The following LRMDA variants were observed in gnomAD, a reference collection of about 807,000 sequenced individuals.
LRMDA encodes leucine-rich melanocyte differentiation-associated protein.
A neutral mutation model predicts 29.8 loss-of-function variants in LRMDA; 18 were observed. The ratio of observed to expected loss-of-function variants is 0.60; its 90% confidence interval spans 0.42 to 0.90. The LOEUF is 0.90. Ranked by LOEUF, LRMDA falls within the 40% of genes least tolerant of loss-of-function variation. The probability of loss-of-function intolerance (pLI) is 0.00; values close to 1 mark genes in which losing one functional copy is unlikely to be tolerated. For missense variants in LRMDA, 273 were observed against 273.9 expected, an observed-to-expected ratio of 1.00 and a Z score of 0.02; for synonymous variants, 125 against 109.4, an observed-to-expected ratio of 1.14 and a Z score of -0.89.
intron 5 of LRMDA, among the ~76,000 whole-genome samples, chr10:76,109,277 G>C (rs1384589452): frequency 6.6e-6 from 1 of 152,194 alleles, no homozygotes; most frequent in Non-Finnish European, 1.5e-5. Context: ...CTCCATCCTT[G>C]TTGGGCACTT....
intron 2 of LRMDA, among the ~76,000 whole-genome samples, chr10:75,828,252 A>T (rs61188214): frequency 6.6e-6 from 1 of 152,302 alleles, no homozygotes; most frequent in East Asian, 1.9e-4. Flanking sequence ...GAAGCTAAGA[A>T]ATATCTTTTT....
chr10:75,872,152 C>G (rs1245481491), intron 2 of LRMDA, among the ~76,000 whole-genome samples: 2 of 152,064 alleles, frequency 1.3e-5, no homozygotes, highest in South Asian at 4.1e-4. Context: ...TTGAGAGAAG[C>G]GATGTTGCTT....
At chr10:75,909,898 GA>G (rs1158494465) in intron 2 of LRMDA, among the ~76,000 whole-genome samples, 1 of 152,160 alleles carries the variant, frequency 6.6e-6, no homozygotes, top group Non-Finnish European at 1.5e-5. Context: ...AAGAATGCTG[GA>G]AACGACTTCA....
At chr10:76,355,455 A>G (rs1048750781) in intron 6 of LRMDA, among the ~76,000 whole-genome samples, 5 of 152,212 alleles carry the variant, frequency 3.3e-5, no homozygotes, top group African/African-American at 1.2e-4. Flanking sequence ...AGTTCCATAA[A>G]TATTTATTGA....
At chr10:76,008,884 C>A (rs1416656406) in intron 2 of LRMDA, among the ~76,000 whole-genome samples, 6 of 152,200 alleles carry the variant, frequency 3.9e-5, no homozygotes, top group Non-Finnish European at 8.8e-5. Flanking sequence ...TTCTTAGAAA[C>A]TTTTAAGTGG....
chr10:76,042,554 A>T (rs1440070644), intron 3 of LRMDA, among the ~76,000 whole-genome samples: 1 of 152,222 alleles, frequency 6.6e-6, no homozygotes, highest in African/African-American at 2.4e-5. Flanking sequence ...AAAATTAGGT[A>T]TGAAATGAAT....
chr10:76,219,928 C>T (rs1851799072), intron 5 of LRMDA, among the ~76,000 whole-genome samples: 1 of 152,190 alleles, frequency 6.6e-6, no homozygotes, highest in African/African-American at 2.4e-5. Context: ...TCTCAGACCA[C>T]AGTGCAATCA....
intron 2 of LRMDA, among the ~76,000 whole-genome samples, chr10:75,984,881 G>T (rs1036985794): frequency 6.6e-6 from 1 of 152,194 alleles, no homozygotes; most frequent in African/African-American, 2.4e-5. Context: ...TTCTTAATGA[G>T]CCTCAATTCA....
intron 6 of LRMDA, among the ~76,000 whole-genome samples, chr10:76,490,659 T>C (rs948806682): frequency 6.6e-5 from 10 of 152,006 alleles, no homozygotes; most frequent in African/African-American, 2.4e-4. Flanking sequence ...TAATTTTCAG[T>C]CTATGTATGT....
intron 2 of LRMDA, among the ~76,000 whole-genome samples, chr10:75,599,156 GA>G (rs1232460800): frequency 1.6e-5 from 2 of 125,204 alleles, no homozygotes; most frequent in African/African-American, 1.1e-4. Flanking sequence ...CACGGCCTCT[GA>G]GCCTCTGAGC....
chr10:75,834,447 C>G (rs555844557), intron 2 of LRMDA, among the ~76,000 whole-genome samples: 1 of 152,158 alleles, frequency 6.6e-6, no homozygotes, highest in African/African-American at 2.4e-5. Context: ...CAGTGAACCT[C>G]CTAATTTTAA....
At chr10:75,869,592 A>G (rs985135375) in intron 2 of LRMDA, among the ~76,000 whole-genome samples, 2 of 152,208 alleles carry the variant, frequency 1.3e-5, no homozygotes, top group Non-Finnish European at 1.5e-5. Context: ...TTGCTTATTT[A>G]TTCGGTCTGT....
chr10:75,473,451 A>G (rs1404247103), intron 2 of LRMDA, among the ~76,000 whole-genome samples: 1 of 152,206 alleles, frequency 6.6e-6, no homozygotes, highest in Non-Finnish European at 1.5e-5. Flanking sequence ...AAGTTCAGTG[A>G]TTTCTCTACA....
chr10:75,441,058 A>T (rs1247926102), intron 2 of LRMDA, among the ~76,000 whole-genome samples: 1 of 152,086 alleles, frequency 6.6e-6, no homozygotes, highest in Admixed American at 6.5e-5. Flanking sequence ...AAGAAAGAGA[A>T]AAAAGAATAA....
intron 2 of LRMDA, among the ~76,000 whole-genome samples, chr10:75,560,146 T>A (rs1044866313): frequency 6.6e-6 from 1 of 151,750 alleles, no homozygotes; most frequent in African/African-American, 2.4e-5. Context: ...TTCACGATAT[T>A]GATTCTTCCT....
At chr10:76,357,970 C>T (rs369873823) in intron 6 of LRMDA, among the ~76,000 whole-genome samples, 41 of 152,278 alleles carry the variant, frequency 2.7e-4, no homozygotes, top group African/African-American at 9.6e-4. Context: ...CAAGCACAAT[C>T]CTGGTAAATG....
At chr10:76,473,345 TAGGAAAAGAAAGCTTCCCCAACGCGATAA>T (rs1275675558) in intron 6 of LRMDA, among the ~76,000 whole-genome samples, 1 of 151,204 alleles carries the variant, frequency 6.6e-6, no homozygotes, top group Non-Finnish European at 1.5e-5. Context: ...TTCAACAAAC[TAGGAAAAGAAAGCTTCCCCAACGCGATAA>T]AGGACATCTG....
intron 5 of LRMDA, among the ~76,000 whole-genome samples, chr10:76,075,654 C>A (rs1290335316): frequency 6.6e-6 from 1 of 152,126 alleles, no homozygotes; most frequent in Non-Finnish European, 1.5e-5. Context: ...TACTGTAAAC[C>A]CTTGGGCAAG....
At chr10:75,988,234 A>G (rs1564623981) in intron 2 of LRMDA, among the ~76,000 whole-genome samples, 1 of 151,882 alleles carries the variant, frequency 6.6e-6, no homozygotes, top group Non-Finnish European at 1.5e-5. Flanking sequence ...AAGGCATGGG[A>G]CACTGGGCAG....
Sources: allele counts gnomAD v4.1 joint callset (sites outside exome capture counted in the v4.1 genomes callset), GRCh38; gene constraint gnomAD v4.1.1; transcripts MANE v1.5; gene names NCBI Gene and HGNC (gene_info 2026-07-23, HGNC 2026-07-21).